SPART: variants seen among roughly 807,000 people sequenced by gnomAD.
SPART encodes the protein spartin.
In SPART, 35 loss-of-function variants were observed where a neutral mutation model predicts 58.7. The ratio of observed to expected loss-of-function variants is 0.60; its 90% confidence interval spans 0.46 to 0.79. The LOEUF is 0.79. SPART is among the 30% of genes least tolerant of loss of function. SPART has a pLI of 0.00. For missense variants in SPART, 730 were observed against 786.1 expected (o/e 0.93, Z 0.85); for synonymous variants, 284 against 280.7 (o/e 1.01, Z -0.12).
chr13:36,359,302 A>G (rs191419308), intron 1 of SPART, among the ~76,000 whole-genome samples: 1 of 152,332 alleles, frequency 6.6e-6, no homozygotes. Flanking sequence ...TAAAACTGTA[A>G]TTTAAATTGG....
chr13:36,330,367 T>C (rs953978280), intron 3 of SPART, among the ~76,000 whole-genome samples: 17 of 152,190 alleles, frequency 1.1e-4, no homozygotes, highest in Admixed American at 8.5e-4. Flanking sequence ...TGCTAAAGTA[T>C]TGGTTTGTTG....
rs1886138693 is a variant in SPART at position 36,368,101 on chromosome 13, G to A, written c.-3+1988C>T. The A allele has an allele frequency of 1.3e-5, 5 of 397,104 alleles. 1 individual carries two copies. Among genetic ancestry groups the A allele is most frequent in the South Asian group, 9.7e-5 (5 of 51,798 alleles). 24.6% of individuals were successfully genotyped at this position (397,104 alleles called of 1,614,324 possible). On this transcript the variant is annotated intron_variant, in intron 1 of 8. Coordinates refer to the SPART transcript ENST00000355182. ...ATGATCATGGCTCTAAAACTTTAAG[G>A]CTTATCACTTTTCTTTCAAGGAAAG...
At chr13:36,345,246 G>T (rs997655929) in intron 1 of SPART, among the ~76,000 whole-genome samples, 10 of 152,264 alleles carry the variant, frequency 6.6e-5, no homozygotes, top group African/African-American at 2.4e-4. Context: ...AGACAACGAC[G>T]TTTCAGAGAG....
At chr13:36,333,418 A>C (rs1883645291) in intron 2 of SPART, among the ~76,000 whole-genome samples, 1 of 132,650 alleles carries the variant, frequency 7.5e-6, no homozygotes, top group South Asian at 2.5e-4. Context: ...ATTTAGTTGG[A>C]TTATTATTGT....
intron 8 of SPART, among the ~76,000 whole-genome samples, chr13:36,309,739 G>A (rs1233877687): frequency 6.6e-6 from 1 of 152,130 alleles, no homozygotes; most frequent in Non-Finnish European, 1.5e-5. Context: ...CGGGGAGGGA[G>A]GAGGGGAGTG....
chr13:36,308,002 C>G (rs1880687887), intron 8 of SPART, among the ~76,000 whole-genome samples: 1 of 152,074 alleles, frequency 6.6e-6, no homozygotes. Context: ...CAATTAAGAA[C>G]ACAAATTTCC....
chr13:36,329,557 T>G, intron 3 of SPART, 40 bp from the exon 4 acceptor site: 2 of 1,606,780 alleles, frequency 1.2e-6, no homozygotes, highest in South Asian at 2.2e-5. Context: ...AATCAGAATT[T>G]TTCTTAGATG....
At chr13:36,357,447 C>A (rs1040896593) in intron 1 of SPART, among the ~76,000 whole-genome samples, 3 of 152,074 alleles carry the variant, frequency 2.0e-5, no homozygotes, top group African/African-American at 7.2e-5. Flanking sequence ...CCCTGAGGCC[C>A]CTGGTAAGGA....
intron 1 of SPART, among the ~76,000 whole-genome samples, chr13:36,354,717 G>A (rs1885555816): frequency 6.6e-6 from 1 of 152,150 alleles, no homozygotes; most frequent in Non-Finnish European, 1.5e-5. Context: ...AGAACTGTGG[G>A]TATAATTGCT....
At chr13:36,351,109 T>C (rs1347960019), upstream of SPART, among the ~76,000 whole-genome samples, 1 of 152,108 alleles carries the variant, frequency 6.6e-6, no homozygotes, top group Non-Finnish European at 1.5e-5. Context: ...ATCTGTAATA[T>C]GGGGATGTGA....
At chr13:36,312,506 A>T in intron 6 of SPART, 29 bp from the exon 7 acceptor site, 2 of 1,608,770 alleles carry the variant, frequency 1.2e-6, no homozygotes, top group Non-Finnish European at 1.7e-6. Context: ...AAGAAAACTT[A>T]GGAAAAATAT....
chr13:36,309,486 G>A (rs9575890), intron 8 of SPART, among the ~76,000 whole-genome samples: 36,494 of 151,900 alleles, frequency 0.24, 4,849 homozygotes, highest in East Asian at 0.51. Context: ...GATCAACCTA[G>A]GTACCCATCA....
chr13:36,352,448 C>G (rs1885455148), intron 1 of SPART, among the ~76,000 whole-genome samples: 1 of 152,050 alleles, frequency 6.6e-6, no homozygotes, highest in Admixed American at 6.5e-5. Flanking sequence ...GGATTTAAAA[C>G]CAGACACCAA....
intron 5 of SPART, among the ~76,000 whole-genome samples, chr13:36,323,224 ACATT>A (rs1263232584): frequency 2.0e-5 from 3 of 152,296 alleles, no homozygotes; most frequent in Non-Finnish European, 4.4e-5. Flanking sequence ...TTGAGAGGGG[ACATT>A]CAAATACCCT....
chr13:36,356,231 C>T (rs953258705), intron 1 of SPART, among the ~76,000 whole-genome samples: 14 of 152,184 alleles, frequency 9.2e-5, no homozygotes, highest in African/African-American at 1.9e-4. Flanking sequence ...TGAATAAATA[C>T]GAGTCTTGCT....
At chr13:36,363,889 A>C (rs1885960098) in intron 1 of SPART, among the ~76,000 whole-genome samples, 1 of 152,190 alleles carries the variant, frequency 6.6e-6, no homozygotes, top group African/African-American at 2.4e-5. Flanking sequence ...AACACCTTAC[A>C]TAACCATAGT....
chr13:36,328,957 A>G (rs552622363), intron 4 of SPART, among the ~76,000 whole-genome samples: 1 of 152,264 alleles, frequency 6.6e-6, no homozygotes, highest in East Asian at 1.9e-4. Context: ...TATCTTGGCC[A>G]GGTATGGTGG....
Position 36,312,461 on chromosome 13 carries a change from A to C in SPART, c.1500T>G (p.Thr500=). The C allele has an allele frequency of 6.2e-7, 1 of 1,614,170 alleles. No individual in the cohort carries two copies. Among genetic ancestry groups the C allele is most frequent in the Non-Finnish European group, 8.5e-7 (1 of 1,180,026 alleles). The stretch of plus-strand genomic sequence containing the variant: ...GTTCTTTTCCAACGCAATTTGCTAC[A>C]GTGCAAACTCCATCAACTAATATGA... ...VSQFLVDGVC[T]VANCVGKELA... is the part of the protein sequence containing the mutation. Residue 500 remains threonine (T), a synonymous_variant, in exon 7 of 9, where the codon ACT becomes ACG. Coordinates refer to ENST00000438666, the MANE Select transcript of SPART (RefSeq NM_015087.5).
In SPART at chr13:36,335,259, G is replaced by A. The variant is rs1883866111; in HGVS notation, c.572C>T (p.Ser191Phe). ...CTCTCCAACTGATGAAAACTCCCCA[G>A]AATCTGTTCCATAGGATACAGTGTA... ...GHYTVSYGTD[S>F]GEFSSVGEEF... is the part of the protein sequence containing the mutation. Residue 191 changes from serine (S) to phenylalanine (F), a missense_variant, in exon 2 of 9, where the codon TCT becomes TTT. Ser to Phe is a radical substitution (Grantham distance 155, BLOSUM62 -2). Coordinates refer to ENST00000438666, the MANE Select transcript of SPART (RefSeq NM_015087.5). 6.2e-7 allele frequency: 1 copy of A among 1,614,000 alleles called. No individual in the cohort carries two copies.
Sources: allele counts gnomAD v4.1 joint callset (sites outside exome capture counted in the v4.1 genomes callset), GRCh38; gene constraint gnomAD v4.1.1; transcripts MANE v1.5; gene names NCBI Gene and HGNC (gene_info 2026-07-23, HGNC 2026-07-21).